BAZ1B: variants seen among roughly 807,000 people sequenced by gnomAD.
BAZ1B encodes tyrosine-protein kinase BAZ1B.
In BAZ1B, 22 loss-of-function variants were observed where a neutral mutation model predicts 153.8. The ratio of observed to expected loss-of-function variants is 0.14; its 90% CI spans 0.10 to 0.20. The LOEUF is 0.20. Ranked by LOEUF, BAZ1B falls within the 10% of genes least tolerant of loss-of-function variation. The pLI is 1.00. For synonymous variants in BAZ1B, 676 were observed against 633.4 expected (o/e 1.07, Z -1.01); for missense variants, 1,325 against 1,799.3 (o/e 0.74, Z 4.77).
intron 7 of BAZ1B, among the ~76,000 whole-genome samples, chr7:73,475,623 AGGCATGGTGGCTGGCCC>A (rs1176599572): frequency 4.1e-4 from 62 of 152,300 alleles, no homozygotes; most frequent in African/African-American, 1.1e-3. Flanking sequence ...TTTTGGGGCC[AGGCATGGTGGCTGGCCC>A]GGCATGGTGG....
rs139267697 is a variant in BAZ1B, at chr7:73,475,356, G to A, written c.2593+1512C>T. Among the ~76,000 whole-genome samples, 71 of 152,242 alleles carry A rather than the reference G, an allele frequency of 4.7e-4. 2 individuals are homozygous for A. The East Asian group carries it at 0.013, about 28-fold the overall frequency. ...TCAAGTGATGAATGAGAAACAAAACGTGGTATATCCAAACAATGGAATATT... is the reference window on the plus strand; with the variant it reads ...TCAAGTGATGAATGAGAAACAAAACATGGTATATCCAAACAATGGAATATT... On this transcript the variant is annotated intron_variant, in intron 7 of 19. Transcript: ENST00000339594.
chr7:73,462,062 C>T (rs1442873449), intron 12 of BAZ1B, among the ~76,000 whole-genome samples: 2 of 152,148 alleles, frequency 1.3e-5, no homozygotes, highest in Non-Finnish European at 2.9e-5. Flanking sequence ...CCAACATGCC[C>T]CGTCTCTACA....
intron 9 of BAZ1B, among the ~76,000 whole-genome samples, chr7:73,467,156 C>T (rs1225462167): frequency 4.0e-5 from 6 of 151,206 alleles, no homozygotes; most frequent in Non-Finnish European, 8.8e-5. Context: ...TGGTCTCCAA[C>T]TCCTGACCTC....
Position 73,478,556 on chromosome 7 carries a change from T to C in BAZ1B, c.905A>G (p.Asn302Ser), listed in dbSNP as rs1554573244. The change falls in exon 7 of 20, where the codon AAC (asparagine) becomes AGC (serine). Residue 302 changes from asparagine to serine, a missense_variant. This residue lies in a region of BAZ1B where 219 missense variants were observed against 248.2 expected (regional missense o/e 0.88). Transcript: ENST00000339594. ...LLDPYKYMTL[N>S]PSTKRKNTGS... ...AGTATTCTTCCTCTTAGTAGAAGGG[T>C]TGAGAGTCATATACTAGAATTTAAG... The C allele has an allele frequency of 2.0e-6, 3 of 1,527,148 alleles. No homozygotes were observed. The highest frequency in any genetic ancestry group is 2.8e-5 in the African/African-American group (2 of 71,632). 94.6% of individuals were successfully genotyped at this position (1,527,148 alleles called of 1,614,324 possible).
At chr7:73,469,130 C>CAAAAAAA (rs57498905) in intron 9 of BAZ1B, among the ~76,000 whole-genome samples, 2 of 76,310 alleles carry the variant, frequency 2.6e-5, no homozygotes, top group Non-Finnish European at 5.6e-5. Flanking sequence ...AATTCCGTCT[C>CAAAAAAA]AAAAAAAAAA....
chr7:73,497,084 C>A (rs868943489), intron 4 of BAZ1B, among the ~76,000 whole-genome samples: 6,129 of 111,532 alleles, frequency 0.055, 219 homozygotes, highest in Non-Finnish European at 0.069. Flanking sequence ...AAAAAAAAAA[C>A]CTACAAAAAT....
intron 6 of BAZ1B, among the ~76,000 whole-genome samples, chr7:73,479,640 AC>A (rs1789125543): frequency 6.6e-6 from 1 of 152,088 alleles, no homozygotes; most frequent in Admixed American, 6.6e-5. Context: ...TCTCACCAGA[AC>A]CTTAAATCCA....
chr7:73,452,047 C>T (rs1018431031), intron 13 of BAZ1B, among the ~76,000 whole-genome samples: 6 of 152,230 alleles, frequency 3.9e-5, no homozygotes, highest in Non-Finnish European at 7.3e-5. Flanking sequence ...CTGCTTTTTA[C>T]TATTTCCTAT....
chr7:73,463,739 G>A (rs571770168), intron 11 of BAZ1B, among the ~76,000 whole-genome samples: 90 of 151,268 alleles, frequency 5.9e-4, no homozygotes, highest in African/African-American at 1.9e-3. Context: ...ATGGAATGTC[G>A]CTCTGTTGCC....
chr7:73,503,510 A>G (rs112150728), intron 3 of BAZ1B, among the ~76,000 whole-genome samples: 14 of 151,804 alleles, frequency 9.2e-5, no homozygotes, highest in African/African-American at 3.4e-4. Context: ...AGTAGCTGGG[A>G]CTACAGAAAT....
chr7:73,506,547 G>A (rs1297815101), intron 3 of BAZ1B, among the ~76,000 whole-genome samples: 2 of 149,440 alleles, frequency 1.3e-5, no homozygotes, highest in Non-Finnish European at 3.0e-5. Context: ...TCATTACAGC[G>A]AGGACTTGGA....
intron 4 of BAZ1B, 62 bp downstream of exon 4, chr7:73,498,435 G>A: frequency 2.1e-6 from 3 of 1,457,762 alleles, no homozygotes; most frequent in South Asian, 1.2e-5. Context: ...CCTAAAAGAT[G>A]TGTTCATAAT....
chr7:73,506,628 T>C (rs2116442047), intron 3 of BAZ1B, among the ~76,000 whole-genome samples: 1 of 151,526 alleles, frequency 6.6e-6, no homozygotes, highest in South Asian at 2.1e-4. Flanking sequence ...GAAGTAGGCA[T>C]ATCACCCGAG....
intron 6 of BAZ1B, among the ~76,000 whole-genome samples, chr7:73,483,984 C>A (rs1203375730): frequency 1.3e-5 from 2 of 152,122 alleles, no homozygotes; most frequent in Non-Finnish European, 2.9e-5. Context: ...AAAGAAAAAT[C>A]AGGCCGGGTG....
At chr7:73,449,386 T>C (rs969014883) in intron 15 of BAZ1B, among the ~76,000 whole-genome samples, 156 bp downstream of exon 15, 5 of 152,188 alleles carry the variant, frequency 3.3e-5, no homozygotes, top group Admixed American at 6.5e-5. Flanking sequence ...TCAGAGTCCT[T>C]TGAGCTCCTA....
At chr7:73,447,135 C>A (rs1787866857) in intron 16 of BAZ1B, 129 bp downstream of exon 16, 6 of 1,539,744 alleles carry the variant, frequency 3.9e-6, no homozygotes, top group Non-Finnish European at 5.3e-6. Flanking sequence ...TAAGTTACGC[C>A]ACAGTCACAA....
At chr7:73,463,196 T>TA in intron 11 of BAZ1B, 97 bp from the exon 12 acceptor site, 2 of 1,199,628 alleles carry the variant, frequency 1.7e-6, no homozygotes, top group South Asian at 3.0e-5. Flanking sequence ...CTAGAAAACT[T>TA]ACTTAGATCT....
At chr7:73,474,778 C>T (rs1351513634) in intron 7 of BAZ1B, among the ~76,000 whole-genome samples, 1 of 151,940 alleles carries the variant, frequency 6.6e-6, no homozygotes, top group Non-Finnish European at 1.5e-5. Context: ...CTCCGTCTCC[C>T]CCAAAAAAAG....
At chr7:73,515,894 C>G (rs566103592) in intron 1 of BAZ1B, among the ~76,000 whole-genome samples, 2 of 152,252 alleles carry the variant, frequency 1.3e-5, no homozygotes, top group Non-Finnish European at 2.9e-5. Flanking sequence ...CCTGTAATCC[C>G]AGCACTTTGG....
Sources: gnomAD v4.1 joint callset for allele counts (sites outside exome capture counted in the v4.1 genomes callset) on GRCh38, gnomAD v4.1.1 for gene constraint, gnomAD v4.1.1 regional missense constraint, MANE v1.5 for transcripts, NCBI Gene and HGNC (gene_info 2026-07-23, HGNC 2026-07-21) for gene names.